Variants in PTGER3 observed in about 807,000 individuals in gnomAD.
PTGER3 encodes the protein prostaglandin E2 receptor EP3 subtype.
Under a neutral mutation model 34.7 loss-of-function variants are expected in PTGER3, and 22 were observed. The observed-to-expected ratio is 0.63, with a 90% CI of 0.45 to 0.91. PTGER3 has a LOEUF of 0.91. Among genes scored for constraint, PTGER3 ranks in the 40% least tolerant of loss-of-function variants. PTGER3 has a pLI of 0.00. For missense variants in PTGER3, 468 were observed against 519.4 expected, an observed-to-expected ratio of 0.90 and a Z score of 0.96; for synonymous variants, 241 against 230.1, an observed-to-expected ratio of 1.05 and a Z score of -0.43.
At chr1:70,993,763 G>A (rs969487430) in intron 2 of PTGER3, among the ~76,000 whole-genome samples, 6 of 152,164 alleles carry the variant, frequency 3.9e-5, no homozygotes, top group African/African-American at 7.2e-5. Context: ...AATGCAAACC[G>A]AGTGAGTGAA....
intron 4 of PTGER3, among the ~76,000 whole-genome samples, chr1:70,928,225 G>C (rs545658846): frequency 6.7e-6 from 1 of 149,360 alleles, no homozygotes; most frequent in South Asian, 2.1e-4. Flanking sequence ...ATGTGTGTAA[G>C]AGATATCAGT....
chr1:70,864,345 C>G (rs1572487683), intron 4 of PTGER3, among the ~76,000 whole-genome samples: 1 of 152,172 alleles, frequency 6.6e-6, no homozygotes, highest in African/African-American at 2.4e-5. Flanking sequence ...CAGAAGGAAT[C>G]TGTCTTGTTT....
At chr1:70,967,157 T>G (rs1557694928), downstream of PTGER3, among the ~76,000 whole-genome samples, 1 of 152,182 alleles carries the variant, frequency 6.6e-6, no homozygotes, top group African/African-American at 2.4e-5. Context: ...TAAATAAGAC[T>G]GCCAAAATGG....
At chr1:70,885,018 T>G (rs2100234200) in intron 4 of PTGER3, among the ~76,000 whole-genome samples, 1 of 152,310 alleles carries the variant, frequency 6.6e-6, no homozygotes, top group South Asian at 2.1e-4. Flanking sequence ...TTCTGTAAAT[T>G]TTTGGCACTT....
At chr1:70,925,159 C>T (rs538544373) in intron 4 of PTGER3, among the ~76,000 whole-genome samples, 1 of 152,250 alleles carries the variant, frequency 6.6e-6, no homozygotes, top group Admixed American at 6.5e-5. Flanking sequence ...TGACTGCCAC[C>T]ATGCTTGGCT....
chr1:70,885,320 G>T (rs1557629502), intron 4 of PTGER3, among the ~76,000 whole-genome samples: 1 of 152,052 alleles, frequency 6.6e-6, no homozygotes, highest in Non-Finnish European at 1.5e-5. Context: ...TGGTTTTTAA[G>T]TCCATCTGTG....
intron 4 of PTGER3, among the ~76,000 whole-genome samples, chr1:70,908,525 T>C (rs956320330): frequency 1.3e-5 from 2 of 152,204 alleles, no homozygotes; most frequent in African/African-American, 4.8e-5. Flanking sequence ...AAGTGATAAC[T>C]GACTCAATAA....
At chr1:70,949,534 T>G (rs1159540333), downstream of PTGER3, among the ~76,000 whole-genome samples, 1 of 152,090 alleles carries the variant, frequency 6.6e-6, no homozygotes, top group Non-Finnish European at 1.5e-5. Flanking sequence ...GTTAGACAAA[T>G]GGTAAAGGTC....
intron 2 of PTGER3, chr1:71,010,739 C>T: frequency 2.0e-6 from 2 of 985,112 alleles, no homozygotes. Context: ...GTAGAACCAT[C>T]ATTAATTACA....
intron 4 of PTGER3, among the ~76,000 whole-genome samples, chr1:70,914,179 A>C (rs563915346): frequency 8.6e-5 from 13 of 151,972 alleles, no homozygotes; most frequent in Non-Finnish European, 1.5e-4. Flanking sequence ...GGCTATAAGG[A>C]AACAAGAACA....
chr1:70,853,693 A>T (rs1334136613), intron 4 of PTGER3, among the ~76,000 whole-genome samples: 1 of 152,204 alleles, frequency 6.6e-6, no homozygotes, highest in Non-Finnish European at 1.5e-5. Context: ...TCAAATAAGA[A>T]AAAGAAAAAA....
At chr1:70,981,870 T>C (rs1654407159) in intron 2 of PTGER3, among the ~76,000 whole-genome samples, 1 of 152,124 alleles carries the variant, frequency 6.6e-6, no homozygotes, top group South Asian at 2.1e-4. Flanking sequence ...CTGGTACCCA[T>C]CAATCAATTG....
At chr1:70,990,358 C>CACAA (rs1655333629) in intron 2 of PTGER3, among the ~76,000 whole-genome samples, 1 of 93,514 alleles carries the variant, frequency 1.1e-5, no homozygotes, top group South Asian at 3.8e-4. Context: ...CTGTCTCACA[C>CACAA]ACACACACAC....
intron 4 of PTGER3, among the ~76,000 whole-genome samples, chr1:70,918,397 A>G (rs1320058846): frequency 6.6e-6 from 1 of 152,082 alleles, no homozygotes; most frequent in African/African-American, 2.4e-5. Flanking sequence ...TAAAAAATAC[A>G]CAAATGAGAT....
intron 2 of PTGER3, chr1:71,002,387 A>G (rs1019440753): frequency 1.3e-5 from 2 of 152,234 alleles, no homozygotes; most frequent in Non-Finnish European, 2.9e-5. Flanking sequence ...TAAATAACAA[A>G]TCAAATAATT....
In PTGER3 at chr1:71,047,631, G is replaced by C. The variant is rs1660985954; in HGVS notation, c.-54C>G. On this transcript the variant is annotated 5_prime_UTR_variant, in exon 1 of 4. Coordinates refer to ENST00000306666, the MANE Select transcript of PTGER3 (RefSeq NM_198719.2). ...GTCCAGAGAGCCGCAGCGGGAGGGG[G>C]CAGACGCGGCGCGGGCGGCGGCGGA... 3.4e-6 allele frequency: 5 copies of C among 1,456,982 alleles called. No homozygotes were observed. Among genetic ancestry groups the C allele is most frequent in the Non-Finnish European group, 3.6e-6 (4 of 1,101,396 alleles). The allele number at this position is 1,456,982 out of a possible 1,614,324, so 90.3% of individuals were successfully genotyped here.
intron 4 of PTGER3, among the ~76,000 whole-genome samples, chr1:70,886,840 G>A (rs573793232): frequency 1.3e-5 from 2 of 152,168 alleles, no homozygotes; most frequent in East Asian, 3.9e-4. Context: ...ACTTGCCAAG[G>A]TCATACTTTT....
In PTGER3 at chr1:70,994,796, C is replaced by T. The variant is rs190897838; in HGVS notation, c.1077+17509G>A. Reference sequence around the variant, plus strand: ...TAAACTAAAACCTCTTCTGGGACATCATTGCCTTTTTTTTATTTGTACTAT... The same window carrying T: ...TAAACTAAAACCTCTTCTGGGACATTATTGCCTTTTTTTTATTTGTACTAT... On this transcript the variant is annotated intron_variant, in intron 2 of 3. Coordinates refer to ENST00000306666, the MANE Select transcript of PTGER3 (RefSeq NM_198719.2). Among the ~76,000 whole-genome samples, 9 of 152,270 alleles carry T rather than the reference C, an allele frequency of 5.9e-5. No individual in the cohort carries two copies. The East Asian group carries it at 1.4e-3, about 23-fold the overall frequency.
chr1:70,950,066 C>T (rs1030241983), downstream of PTGER3, among the ~76,000 whole-genome samples: 15 of 152,182 alleles, frequency 9.9e-5, no homozygotes, highest in East Asian at 1.9e-4. Flanking sequence ...AAGGAAGACA[C>T]GAAGAAGGGT....
Sources: allele counts gnomAD v4.1 joint callset (sites outside exome capture counted in the v4.1 genomes callset), GRCh38; gene constraint gnomAD v4.1.1; transcripts MANE v1.5; gene names NCBI Gene and HGNC (gene_info 2026-07-23, HGNC 2026-07-21).